Variants in UGGT2 observed in about 807,000 individuals in gnomAD.
UGGT2 encodes the protein UDP-glucose glycoprotein glucosyltransferase 2, also known as UDP-glucose:glycoprotein glucosyltransferase 2.
In UGGT2, 180 loss-of-function variants were observed where a neutral mutation model predicts 192.1. The observed-to-expected ratio is 0.94, with a 90% CI of 0.83 to 1.06. The LOEUF is 1.06. UGGT2 is among the 50% of genes least tolerant of loss of function. The probability of loss-of-function intolerance (pLI) is 0.00; values close to 1 mark genes in which losing one functional copy is unlikely to be tolerated. For synonymous variants in UGGT2, 580 were observed against 591.0 expected (o/e 0.98, Z 0.27); for missense variants, 1,849 against 1,795.7 (o/e 1.03, Z -0.54).
intron 38 of UGGT2, among the ~76,000 whole-genome samples, chr13:95,805,266 G>A (rs1416832649): frequency 2.0e-5 from 3 of 146,646 alleles, no homozygotes; most frequent in Non-Finnish European, 4.5e-5. Flanking sequence ...TAGTATGACT[G>A]CTATAAAAAA....
chr13:95,902,741 T>C (rs1057395365), intron 21 of UGGT2, 113 bp downstream of exon 21: 28 of 1,027,606 alleles, frequency 2.7e-5, no homozygotes, highest in Middle Eastern at 3.2e-4. Flanking sequence ...GAATGTTTAT[T>C]ATCTTCATTT....
chr13:95,879,276 T>C (rs1322920434), intron 27 of UGGT2, among the ~76,000 whole-genome samples: 2 of 152,208 alleles, frequency 1.3e-5, no homozygotes, highest in African/African-American at 4.8e-5. Flanking sequence ...TGTTCCTATA[T>C]ATTTATATAA....
intron 1 of UGGT2, among the ~76,000 whole-genome samples, chr13:96,043,480 C>A (rs2053222209): frequency 1.3e-5 from 2 of 151,978 alleles, no homozygotes; most frequent in Admixed American, 1.3e-4. Flanking sequence ...GGTATACAGG[C>A]AACAAATAGC....
At chr13:95,833,523 C>CA (rs1283526903) in intron 37 of UGGT2, among the ~76,000 whole-genome samples, 2 of 151,980 alleles carry the variant, frequency 1.3e-5, no homozygotes, top group African/African-American at 4.8e-5. Flanking sequence ...TTAATTTATT[C>CA]AACTGCAAAA....
intron 16 of UGGT2, among the ~76,000 whole-genome samples, 181 bp from the exon 17 acceptor site, chr13:95,937,269 A>C (rs2049497490): frequency 1.3e-5 from 2 of 152,258 alleles, no homozygotes; most frequent in Non-Finnish European, 2.9e-5. Flanking sequence ...AGGAGTCAAA[A>C]AACTTTTTAT....
At chr13:95,985,644 CTCA>C (rs1484794681) in intron 9 of UGGT2, among the ~76,000 whole-genome samples, 10 of 152,074 alleles carry the variant, frequency 6.6e-5, no homozygotes, top group Non-Finnish European at 1.5e-5. Context: ...TATAAGCTAA[CTCA>C]TATTTTACTT....
At chr13:96,028,695 A>C (rs1057388151) in intron 2 of UGGT2, among the ~76,000 whole-genome samples, 18 of 152,260 alleles carry the variant, frequency 1.2e-4, no homozygotes, top group African/African-American at 4.3e-4. Flanking sequence ...TAAATGTTCA[A>C]TATTTACAAT....
intron 24 of UGGT2, among the ~76,000 whole-genome samples, chr13:95,894,186 C>T (rs2047882857): frequency 6.6e-6 from 1 of 152,020 alleles, no homozygotes; most frequent in Admixed American, 6.6e-5. Flanking sequence ...GTGACAGAGG[C>T]CACCCTACAT....
chr13:95,850,890 G>A (rs1828037454), intron 36 of UGGT2, among the ~76,000 whole-genome samples: 1 of 152,166 alleles, frequency 6.6e-6, no homozygotes, highest in Admixed American at 6.5e-5. Flanking sequence ...ATTAGACCAG[G>A]AAAAGAGTTG....
intron 5 of UGGT2, among the ~76,000 whole-genome samples, chr13:96,011,038 AAAC>A (rs2052146114): frequency 6.6e-6 from 1 of 152,198 alleles, no homozygotes; most frequent in South Asian, 2.1e-4. Flanking sequence ...ACAAATGTTA[AAAC>A]AACTAGATAT....
intron 1 of UGGT2, among the ~76,000 whole-genome samples, chr13:96,039,742 C>G (rs1227959399): frequency 6.6e-6 from 1 of 152,152 alleles, no homozygotes; most frequent in Non-Finnish European, 1.5e-5. Flanking sequence ...CAGCTCATAT[C>G]CAAGTTCACC....
chr13:96,048,493 C>G (rs2053385500), intron 1 of UGGT2, among the ~76,000 whole-genome samples: 1 of 152,068 alleles, frequency 6.6e-6, no homozygotes, highest in South Asian at 2.1e-4. Context: ...CAGAGCAAAA[C>G]TGAAGGAGAT....
intron 20 of UGGT2, among the ~76,000 whole-genome samples, chr13:95,910,554 AT>A (rs2048459205): frequency 6.6e-6 from 1 of 152,208 alleles, no homozygotes; most frequent in African/African-American, 2.4e-5. Context: ...CCAAATATAT[AT>A]GCACCCAATA....
intron 38 of UGGT2, among the ~76,000 whole-genome samples, chr13:95,827,273 A>C (rs1320116668): frequency 6.6e-6 from 1 of 152,148 alleles, no homozygotes; most frequent in Non-Finnish European, 1.5e-5. Context: ...ATTTACAAGA[A>C]TTCTAACTTC....
chr13:95,922,784 T>C (rs2048887667), intron 20 of UGGT2, among the ~76,000 whole-genome samples: 2 of 152,038 alleles, frequency 1.3e-5, no homozygotes, highest in African/African-American at 2.4e-5. Flanking sequence ...GATCACACCA[T>C]TGTACTCCAG....
At chr13:95,883,881 C>T (rs1368718078) in intron 27 of UGGT2, among the ~76,000 whole-genome samples, 1 of 151,948 alleles carries the variant, frequency 6.6e-6, no homozygotes, top group East Asian at 1.9e-4. Flanking sequence ...CAGTTTAATA[C>T]TTTCTTTCTG....
rs1017165397 is a variant in UGGT2 at position 95,940,067 on chromosome 13, G to A, written c.1702C>T (p.Gln568Ter). The A allele has an allele frequency of 5.2e-6, 8 of 1,539,594 alleles. No homozygotes were observed. The highest frequency in any genetic ancestry group is 7.0e-6 in the Non-Finnish European group (8 of 1,139,024). Residue 568 changes from glutamine (Q) to a stop codon, truncating the protein, a stop_gained, in exon 16 of 39, where the codon CAA (glutamine) becomes TAA (stop). Coordinates refer to ENST00000376747, the MANE Select transcript of UGGT2 (RefSeq NM_020121.4). LOFTEE classifies it high-confidence loss of function. ...VHMYQKVKKDQNILTVDNVKS... is the reference protein window; with the variant it reads ...VHMYQKVKKD The stretch of plus-strand genomic sequence containing the variant: ...ACATTGTCCACAGTGAGTATATTTT[G>A]ATCCTTCTTCACTTTTTGGTACATC...
intron 2 of UGGT2, among the ~76,000 whole-genome samples, chr13:96,028,049 C>T (rs2052720779): frequency 1.3e-5 from 2 of 152,218 alleles, no homozygotes. Flanking sequence ...CATTGCTGTT[C>T]TCAGGGTTCT....
chr13:95,902,737 T>C, intron 21 of UGGT2, 117 bp downstream of exon 21: 1 of 998,316 alleles, frequency 1.0e-6, no homozygotes, highest in East Asian at 2.6e-5. Flanking sequence ...AAAGGAATGT[T>C]TATTATCTTC....
Sources: gnomAD v4.1 joint callset for allele counts (sites outside exome capture counted in the v4.1 genomes callset) on GRCh38, gnomAD v4.1.1 for gene constraint, MANE v1.5 for transcripts, NCBI Gene and HGNC (gene_info 2026-07-23, HGNC 2026-07-21) for gene names.